The following CFAP47 variants were observed in gnomAD, a reference collection of about 807,000 sequenced individuals.
CFAP47 encodes cilia and flagella associated protein 47.
Under a neutral mutation model 148.1 loss-of-function variants are expected in CFAP47, and 29 were observed. That is an observed-to-expected ratio of 0.20 (90% CI 0.15 to 0.27). CFAP47 has a LOEUF of 0.27. Ranked by LOEUF, CFAP47 falls within the 10% of genes least tolerant of loss-of-function variation. CFAP47 has a pLI of 1.00. For synonymous variants in CFAP47, 664 were observed against 577.3 expected, an observed-to-expected ratio of 1.15 and a Z score of -2.15; for missense variants, 1,872 against 1,697.5, an observed-to-expected ratio of 1.10 and a Z score of -1.81.
At chrX:36,175,162 A>C (rs1431252696) in intron 39 of CFAP47, among the ~76,000 whole-genome samples, 1 of 110,348 alleles carries the variant, frequency 9.1e-6, no homozygotes, top group African/African-American at 3.3e-5. Flanking sequence ...CAGCTCCTTT[A>C]AGCACTTCTC....
chrX:36,321,854 G>T lies in CFAP47; in HGVS notation c.8443+2547G>T, dbSNP rs188584863. ...TTAATTTCACTGATTCATTAAATAC[G>T]TGAGCCATTTTCTGTTTTTAACATT... On this transcript the variant is annotated intron_variant, in intron 57 of 63. Coordinates refer to ENST00000378653, the MANE Select transcript of CFAP47 (RefSeq NM_001304548.2). Among the ~76,000 whole-genome samples the T allele has an allele frequency of 1.8e-4, 20 of 111,487 alleles. No homozygotes were observed. In the South Asian group the frequency reaches 7.3e-3, roughly 41 times the overall value.
At chrX:36,059,312 A>G (rs1334670410) in intron 26 of CFAP47, among the ~76,000 whole-genome samples, 1 of 111,715 alleles carries the variant, frequency 9.0e-6, no homozygotes, top group East Asian at 2.8e-4. Flanking sequence ...TGGAATGAAA[A>G]TAACAATGAT....
At chrX:36,016,701 CTT>C (rs1281064323) in intron 22 of CFAP47, among the ~76,000 whole-genome samples, 8 of 54,455 alleles carry the variant, frequency 1.5e-4, no homozygotes, top group Non-Finnish European at 2.2e-4. Flanking sequence ...TTATGCCAGT[CTT>C]TTTTTTTTTT....
chrX:35,938,365 C>G (rs1296074328), intron 2 of CFAP47, among the ~76,000 whole-genome samples: 2 of 110,738 alleles, frequency 1.8e-5, no homozygotes, highest in Non-Finnish European at 3.8e-5. Flanking sequence ...TATATGTGTG[C>G]ATCAAATAAA....
At chrX:35,953,264 TA>T (rs971693567) in intron 6 of CFAP47, among the ~76,000 whole-genome samples, 3 of 112,155 alleles carry the variant, frequency 2.7e-5, no homozygotes, top group Non-Finnish European at 5.6e-5. Context: ...TCAGAGTCCT[TA>T]GTTAGAGATG....
chrX:35,966,785 T>C (rs745448901), intron 9 of CFAP47, 31 bp downstream of exon 9: 13 of 907,632 alleles, frequency 1.4e-5, no homozygotes, highest in Non-Finnish European at 1.9e-5. Context: ...CACCTGGCTT[T>C]GTTGTTACTG....
chrX:35,951,357 T>C lies in CFAP47; in HGVS notation c.883T>C (p.Leu295=), dbSNP rs1161436568. Residue 295 remains leucine, a splice_region_variant and synonymous_variant, in exon 5 of 64, where the codon TTG becomes CTG. Coordinates refer to ENST00000378653, the MANE Select transcript of CFAP47 (RefSeq NM_001304548.2). ...IIQDDAVGEE[L]GTDIQQRTDI... ...ACAAGATGATGCCGTGGGAGAAGAA[T>C]TGGTAAGTAAGTGGTGCGACAGGGA... The C allele has an allele frequency of 4.3e-6, 5 of 1,150,161 alleles. No individual in the cohort carries two copies. The Admixed American group carries it at 8.8e-5, about 20-fold the overall frequency. 94.8% of individuals were successfully genotyped at this position (1,150,161 alleles called of 1,213,427 possible).
At chrX:36,032,493 A>G (rs1426992726) in intron 23 of CFAP47, among the ~76,000 whole-genome samples, 1 of 111,384 alleles carries the variant, frequency 9.0e-6, no homozygotes, top group African/African-American at 3.3e-5. Flanking sequence ...ATTAAAGGAT[A>G]TTGTCTAAAG....
rs143053162 is a variant in CFAP47 at position 36,379,177 on chromosome X, A to G, written c.9186-173A>G. On this transcript the variant is annotated intron_variant, in intron 62 of 63. Transcript: ENST00000378653. ...ATTTCATTTTGTCACCCTGAGAAGA[A>G]TGACTTCAGTAATTTTTTTTAAAAT... Among the ~76,000 whole-genome samples, 742 of 112,351 alleles carry G rather than the reference A, an allele frequency of 6.6e-3. 5 individuals are homozygous for G. The highest frequency in any genetic ancestry group is 0.017 in the African/African-American group (535 of 30,943).
At chrX:36,226,778 AG>A (rs1316562334) in intron 45 of CFAP47, among the ~76,000 whole-genome samples, 1 of 111,194 alleles carries the variant, frequency 9.0e-6, no homozygotes, top group Non-Finnish European at 1.9e-5. Context: ...TTTTGGAAAA[AG>A]AAATGTATAA....
intron 27 of CFAP47, among the ~76,000 whole-genome samples, chrX:36,068,004 A>C (rs780648383): frequency 8.9e-6 from 1 of 111,901 alleles, no homozygotes; most frequent in South Asian, 3.7e-4. Flanking sequence ...CAGGTATAAA[A>C]TCTTTCCATA....
At chrX:36,024,540 C>T (rs1353376780) in intron 22 of CFAP47, among the ~76,000 whole-genome samples, 13 of 111,425 alleles carry the variant, frequency 1.2e-4, no homozygotes, top group Admixed American at 1.1e-3. Flanking sequence ...TCCATGTGGG[C>T]TAGACTGCCT....
chrX:36,179,556 A>G, intron 40 of CFAP47, 134 bp downstream of exon 40: 3 of 261,417 alleles, frequency 1.1e-5, no homozygotes, highest in East Asian at 1.1e-4. Context: ...ATTCACACTC[A>G]TATCCAAATA....
At chrX:35,941,237 T>C in intron 2 of CFAP47, 46 bp from the exon 3 acceptor site, 1 of 711,416 alleles carries the variant, frequency 1.4e-6, no homozygotes, top group Non-Finnish European at 2.2e-6. Flanking sequence ...TATCAGGCTC[T>C]TATGATTGTT....
At chrX:36,097,174 T>C (rs1938293903) in intron 30 of CFAP47, among the ~76,000 whole-genome samples, 1 of 111,932 alleles carries the variant, frequency 8.9e-6, no homozygotes, top group Non-Finnish European at 1.9e-5. Context: ...TTTTAACTTT[T>C]GTTGTTTCTA....
intron 62 of CFAP47, among the ~76,000 whole-genome samples, chrX:36,368,922 A>G (rs5973651): frequency 0.32 from 34,928 of 110,376 alleles, 6,788 homozygotes; most frequent in African/African-American, 0.73. Context: ...TGTTTTTGAT[A>G]TTAAGTCTCC....
Position 36,379,744 on chromosome X carries a change from TA to T in CFAP47, c.9354+234del, listed in dbSNP as rs370160532. 74 of 318,552 alleles carry T rather than the reference TA, an allele frequency of 2.3e-4. 1 individual carries two copies. Among genetic ancestry groups the T allele is most frequent in the East Asian group, 3.5e-4 (6 of 17,303 alleles). 26.3% of individuals were successfully genotyped at this position (318,552 alleles called of 1,213,427 possible). ...ACAGTTGTCAACACTAGAGGAAAGT[TA>T]AAAAAAATACTTTCCTTCCATATTA... On this transcript the variant is annotated intron_variant, in intron 63 of 63. Coordinates refer to ENST00000378653, the MANE Select transcript of CFAP47 (RefSeq NM_001304548.2).
chrX:36,302,800 A>G (rs782468264), intron 53 of CFAP47, among the ~76,000 whole-genome samples: 1 of 111,867 alleles, frequency 8.9e-6, no homozygotes, highest in African/African-American at 3.2e-5. Flanking sequence ...TGCATTTATT[A>G]CTCTGTTATT....
At chrX:36,150,185 C>T (rs966761980) in intron 37 of CFAP47, among the ~76,000 whole-genome samples, 5 of 110,862 alleles carry the variant, frequency 4.5e-5, no homozygotes, top group African/African-American at 1.3e-4. Flanking sequence ...ATTGTGTTCT[C>T]ATAGTTATTT....
Sources: gnomAD v4.1 joint callset for allele counts (sites outside exome capture counted in the v4.1 genomes callset) on GRCh38, gnomAD v4.1.1 for gene constraint, MANE v1.5 for transcripts, NCBI Gene and HGNC (gene_info 2026-07-23, HGNC 2026-07-21) for gene names.